Variants in CDH23 observed in about 807,000 individuals in gnomAD.
The protein encoded by CDH23 is cadherin-23.
In CDH23, 189 loss-of-function variants were observed where a neutral mutation model predicts 317.1. That is an observed-to-expected ratio of 0.60 (90% CI 0.53 to 0.67). The LOEUF is 0.67. CDH23 is among the 30% of genes least tolerant of loss of function. The pLI, the probability that CDH23 is intolerant of heterozygous loss-of-function variation, is 0.00. For synonymous variants in CDH23, 1,839 were observed against 1,876.8 expected, an observed-to-expected ratio of 0.98 and a Z score of 0.52; for missense variants, 4,401 against 4,592.4, an observed-to-expected ratio of 0.96 and a Z score of 1.20.
At chr10:71,647,169 T>A in intron 14 of CDH23, 1 of 878,244 alleles carries the variant, frequency 1.1e-6, no homozygotes, top group Non-Finnish European at 1.4e-6. Context: ...CTCAAAAGTA[T>A]AAGTGATTTC....
At chr10:71,609,079 G>A (rs1860700950) in intron 9 of CDH23, among the ~76,000 whole-genome samples, 1 of 152,112 alleles carries the variant, frequency 6.6e-6, no homozygotes, top group Non-Finnish European at 1.5e-5. Context: ...GACAAGATGT[G>A]GGAATGATGA....
chr10:71,813,447 T>G, intron 69 of CDH23, 99 bp downstream of exon 69: 1 of 1,080,248 alleles, frequency 9.3e-7, no homozygotes, highest in Non-Finnish European at 1.4e-6. Context: ...TCTCTGGAGC[T>G]CTGCAGCCAG....
chr10:71,752,206 A>G (rs545116104), intron 38 of CDH23: 6 of 429,826 alleles, frequency 1.4e-5, no homozygotes, highest in Non-Finnish European at 2.7e-5. Context: ...TCTTTGGTCA[A>G]TAGAGTTGAT....
chr10:71,761,716 G>A, intron 38 of CDH23: 1 of 1,614,124 alleles, frequency 6.2e-7, no homozygotes, highest in Non-Finnish European at 8.5e-7. Context: ...TGCGCATGGT[G>A]ATGGAGAAGT....
At chr10:71,744,411 C>T (rs764387020) in intron 38 of CDH23, among the ~76,000 whole-genome samples, 34 of 152,178 alleles carry the variant, frequency 2.2e-4, no homozygotes, top group Non-Finnish European at 4.3e-4. Flanking sequence ...TTTGGGTCCC[C>T]AGAATAAATG....
chr10:71,690,541 C>A lies in CDH23; in HGVS notation c.2133C>A (p.Tyr711Ter). ...SREYGQESII[Y>*]SLEGSTQFRI... is the part of the protein sequence containing the mutation. ...AGTACGGCCAGGAGTCCATCATCTA[C>A]TCCTTGGAAGGCTCCACCCAGTTTC... The change falls in exon 20 of 70, where the codon TAC (tyrosine) becomes TAA (stop). Residue 711 changes from tyrosine to a stop codon, truncating the protein, a stop_gained. Transcript: ENST00000224721. LOFTEE classifies it high-confidence loss of function. 2.5e-6 allele frequency: 4 copies of A among 1,610,542 alleles called. No homozygotes were observed. The highest frequency in any genetic ancestry group is 3.4e-6 in the Non-Finnish European group (4 of 1,178,530).
At chr10:71,556,706 G>A (rs1473654403) in intron 6 of CDH23, among the ~76,000 whole-genome samples, 3 of 152,134 alleles carry the variant, frequency 2.0e-5, no homozygotes, top group Admixed American at 6.5e-5. Flanking sequence ...GAATTTAAAA[G>A]TCAAATAGTA....
rs754049055 is a variant in CDH23 at position 71,803,314 on chromosome 10, C to T, written c.7766C>T (p.Pro2589Leu). Residue 2589 changes from proline (P) to leucine (L), a missense_variant, in exon 55 of 70, where the codon CCC becomes CTC. Pro to Leu is a moderately conservative substitution (Grantham distance 98). Around this residue, in one of 3 missense-constraint regions of CDH23, gnomAD observed 1,144 missense variants for 1,138.2 expected, o/e 1.01. Transcript: ENST00000224721. ...GTGGTGGCCACAGATGGTGGAGAGC[C>T]CCCACTCTGGGGCACCACCATGCTC... ...LTVVATDGGE[P>L]PLWGTTMLLV... 6.3e-7 allele frequency: 1 copy of T among 1,592,224 alleles called. No individual in the cohort carries two copies. The highest frequency in any genetic ancestry group is 1.7e-5 in the Admixed American group (1 of 57,264).
chr10:71,751,551 C>T lies in CDH23; in HGVS notation c.4845+9630C>T. 8.9e-7 allele frequency: 1 copy of T among 1,120,956 alleles called. No individual in the cohort carries two copies. The highest frequency in any genetic ancestry group is 1.2e-6 in the Non-Finnish European group (1 of 809,396). The allele number at this position is 1,120,956 out of a possible 1,614,324, so 69.4% of individuals were successfully genotyped here. On this transcript the variant is annotated intron_variant, in intron 38 of 69. Coordinates refer to ENST00000224721, the MANE Select transcript of CDH23 (RefSeq NM_022124.6). The surrounding 1 kb of genome is among the most constrained non-coding windows in gnomAD (Gnocchi z 4.9). ...GCCCCTCTGTCCCTCACCCTCAACC[C>T]CACCCCGTGAGGCCGTGGAACTCTT... is the stretch of plus-strand genomic sequence containing the variant.
intron 6 of CDH23, among the ~76,000 whole-genome samples, chr10:71,549,967 G>C (rs761129146): frequency 6.6e-6 from 1 of 152,050 alleles, no homozygotes; most frequent in Non-Finnish European, 1.5e-5. Flanking sequence ...CAGCCTGCTG[G>C]GTTTATCTAG....
chr10:71,761,913 C>T (rs779074664), intron 38 of CDH23: 1 of 1,613,998 alleles, frequency 6.2e-7, no homozygotes, highest in Non-Finnish European at 8.5e-7. Context: ...TAGAAGGTCA[C>T]ATCGTGCCCT....
Position 71,415,220 on chromosome 10 carries a change from C to T in CDH23, c.-6+17902C>T, listed in dbSNP as rs1327110564. Among the ~76,000 whole-genome samples, 4 of 152,146 alleles carry T rather than the reference C, an allele frequency of 2.6e-5. No individual in the cohort carries two copies. In the South Asian group the frequency reaches 8.3e-4, roughly 32 times the overall value. On this transcript the variant is annotated intron_variant, in intron 1 of 69. Transcript: ENST00000224721. ...CTACCTCCTGGGCTCAAGCAATCCTCCTGTCTTAGCCTTCTCAGGAATGCA... is the reference window on the plus strand; with the variant it reads ...CTACCTCCTGGGCTCAAGCAATCCTTCTGTCTTAGCCTTCTCAGGAATGCA...
At chr10:71,518,298 G>T (rs1305201737) in intron 6 of CDH23, among the ~76,000 whole-genome samples, 1 of 152,140 alleles carries the variant, frequency 6.6e-6, no homozygotes, top group Non-Finnish European at 1.5e-5. Context: ...CTCCCAGAGG[G>T]CCCTATGAAC....
Position 71,710,084 on chromosome 10 carries a change from T to C in CDH23, c.3220+873T>C, listed in dbSNP as rs549744932. Among the ~76,000 whole-genome samples, 34 of 152,208 alleles carry C rather than the reference T, an allele frequency of 2.2e-4. No individual in the cohort carries two copies. In the East Asian group the frequency reaches 6.6e-3, roughly 29 times the overall value. On this transcript the variant is annotated intron_variant, in intron 27 of 69. Transcript: ENST00000224721. ...CTCCCGCTGGCTCCCTCCCACAACA[T>C]GTGGAAATTATGGGAATACAATTCA...
At chr10:71,743,688 C>A (rs901829868) in intron 38 of CDH23, among the ~76,000 whole-genome samples, 4 of 152,084 alleles carry the variant, frequency 2.6e-5, no homozygotes, top group African/African-American at 4.8e-5. Context: ...CGTGGGAGGA[C>A]CCAGTTTCGA....
chr10:71,715,330 T>C (rs1866160457), intron 28 of CDH23: 1 of 152,162 alleles, frequency 6.6e-6, no homozygotes, highest in Non-Finnish European at 1.5e-5. Context: ...GAGCCCTGTT[T>C]GCTCCTCCTC....
rs7101000 is a variant in CDH23, at chr10:71,562,112, C to A, written c.430-4630C>A. ...ACAACTCCAACCCGTGCAGCCCCAA[C>A]CCCAGACACTCCAAGCCCCACCCCA... On this transcript the variant is annotated intron_variant, in intron 6 of 69. Transcript: ENST00000224721. 1.9e-3 allele frequency among the ~76,000 whole-genome samples: 282 copies of A among 152,190 alleles called. 1 individual carries two copies. The highest frequency in any genetic ancestry group is 3.0e-3 in the Non-Finnish European group (202 of 67,994).
In CDH23 at chr10:71,526,326, G is replaced by A. The variant is rs572968618; in HGVS notation, c.429+15114G>A. ...ACTGCAGCATCCAGCGCTCACCTGT[G>A]GCTCTCCACGTGGGCCCAGGAGGCA... On this transcript the variant is annotated intron_variant, in intron 6 of 69. Transcript: ENST00000224721. 3.7e-4 allele frequency among the ~76,000 whole-genome samples: 56 copies of A among 152,322 alleles called. 1 individual carries two copies. In the South Asian group the frequency reaches 7.7e-3, roughly 21 times the overall value.
Position 71,397,109 on chromosome 10 carries a change from C to A in CDH23, c.-215C>A. Reference sequence around the variant, plus strand: ...TTGGGGCGCGCCCAGTCCGAGCCCCCGGCGCGCCTGAAGTTGCGAGCGGCG... The same window carrying A: ...TTGGGGCGCGCCCAGTCCGAGCCCCAGGCGCGCCTGAAGTTGCGAGCGGCG... On this transcript the variant is annotated 5_prime_UTR_variant, in exon 1 of 70. Coordinates refer to ENST00000224721, the MANE Select transcript of CDH23 (RefSeq NM_022124.6). This position sits in a 1 kb window ranked among gnomAD's most constrained non-coding sequence, Gnocchi z 4.8. 1 of 174,468 alleles carries A rather than the reference C, an allele frequency of 5.7e-6. No individual in the cohort carries two copies. The highest frequency in any genetic ancestry group is 1.0e-4 in the South Asian group (1 of 9,966). The allele number at this position is 174,468 out of a possible 1,614,324, so 10.8% of individuals were successfully genotyped here.
Sources: allele counts gnomAD v4.1 joint callset (sites outside exome capture counted in the v4.1 genomes callset), GRCh38; gene constraint gnomAD v4.1.1; regional missense constraint gnomAD v4.1.1; non-coding constraint Gnocchi (gnomAD v3.1); transcripts MANE v1.5; gene names NCBI Gene and HGNC (gene_info 2026-07-23, HGNC 2026-07-21).